The following EPRS1 variants were observed in gnomAD, a reference collection of about 807,000 sequenced individuals.
EPRS1 encodes glutamyl-prolyl-tRNA synthetase 1.
A neutral mutation model predicts 188.3 loss-of-function variants in EPRS1; 107 were observed. That is an observed-to-expected ratio of 0.57 (90% CI 0.49 to 0.67). The LOEUF (loss-of-function observed/expected upper bound fraction) is 0.67, where lower values mean the gene tolerates loss of function less well. EPRS1 is among the 30% of genes least tolerant of loss of function. The pLI, the probability that EPRS1 is intolerant of heterozygous loss-of-function variation, is 0.00. For missense variants in EPRS1, 1,577 were observed against 1,802.2 expected (o/e 0.88, Z 2.26); for synonymous variants, 596 against 593.1 (o/e 1.00, Z -0.07).
intron 4 of EPRS1, among the ~76,000 whole-genome samples, chr1:220,033,113 C>A (rs1043294455): frequency 5.3e-5 from 8 of 152,040 alleles, no homozygotes; most frequent in Non-Finnish European, 8.8e-5. Context: ...ACTCCCTAAC[C>A]TCCCAGTCAC....
intron 9 of EPRS1, 128 bp downstream of exon 9, chr1:220,022,219 C>T (rs1661891112): frequency 1.3e-6 from 1 of 757,658 alleles, no homozygotes; most frequent in Admixed American, 2.7e-5. Flanking sequence ...CAGAAGGCCA[C>T]CAGCCAGTGA....
At chr1:220,019,508 T>C (rs1018248302) in intron 10 of EPRS1, among the ~76,000 whole-genome samples, 7 of 152,202 alleles carry the variant, frequency 4.6e-5, no homozygotes, top group Non-Finnish European at 7.3e-5. Flanking sequence ...AAAATATATG[T>C]AGGAAATTAA....
intron 13 of EPRS1, among the ~76,000 whole-genome samples, chr1:220,009,967 A>C (rs373119386): frequency 6.6e-6 from 1 of 151,800 alleles, no homozygotes; most frequent in South Asian, 2.1e-4. Flanking sequence ...GTAGTGGCGC[A>C]CATCTGTAAT....
At chr1:219,990,512 G>A (rs1486584047) in intron 18 of EPRS1, among the ~76,000 whole-genome samples, 3 of 152,124 alleles carry the variant, frequency 2.0e-5, no homozygotes, top group Non-Finnish European at 4.4e-5. Context: ...CCTTAGAGAA[G>A]TTGTCAAGTT....
chr1:220,004,647 C>A (rs1416627100), intron 16 of EPRS1, among the ~76,000 whole-genome samples: 1 of 152,020 alleles, frequency 6.6e-6, no homozygotes, highest in Non-Finnish European at 1.5e-5. Context: ...GTTTGAAATG[C>A]TTGAAAGAAT....
At chr1:219,994,535 AAAAAAG>A (rs1431280164) in intron 18 of EPRS1, among the ~76,000 whole-genome samples, 3 of 152,118 alleles carry the variant, frequency 2.0e-5, no homozygotes, top group African/African-American at 7.2e-5. Context: ...ACAAAATATT[AAAAAAG>A]AAAAAGAAAA....
intron 1 of EPRS1, among the ~76,000 whole-genome samples, chr1:220,040,872 G>A (rs1662278841): frequency 6.7e-6 from 1 of 148,458 alleles, no homozygotes; most frequent in South Asian, 2.1e-4. Flanking sequence ...AAATAGTATA[G>A]TGCCTTATAT....
At chr1:219,978,960 A>T (rs1184321812) in intron 27 of EPRS1, among the ~76,000 whole-genome samples, 7 of 61,436 alleles carry the variant, frequency 1.1e-4, no homozygotes, top group African/African-American at 3.2e-4. Context: ...ATATATATAT[A>T]TATATTTTTT....
At chr1:220,018,366 C>A in intron 12 of EPRS1, 83 bp downstream of exon 12, 2 of 1,153,764 alleles carry the variant, frequency 1.7e-6, no homozygotes, top group Non-Finnish European at 2.6e-6. Flanking sequence ...CTTTTCTCTA[C>A]CATGAGCACA....
At chr1:219,987,862 T>C (rs1661035522) in intron 19 of EPRS1, among the ~76,000 whole-genome samples, 1 of 152,180 alleles carries the variant, frequency 6.6e-6, no homozygotes, top group Admixed American at 6.5e-5. Context: ...GTCACCACAA[T>C]CACATTTCAA....
intron 18 of EPRS1, among the ~76,000 whole-genome samples, chr1:219,993,059 AC>A (rs1398019208): frequency 3.3e-5 from 5 of 151,834 alleles, no homozygotes; most frequent in Non-Finnish European, 7.4e-5. Context: ...ACACAGTGAA[AC>A]CCCGTCTCTA....
intron 29 of EPRS1, 111 bp from the exon 30 acceptor site, chr1:219,972,258 C>T: frequency 1.6e-6 from 1 of 610,700 alleles, no homozygotes; most frequent in African/African-American, 1.9e-5. Context: ...GTGAGAAGGA[C>T]TCAATTTGAA....
chr1:220,019,206 T>A, intron 10 of EPRS1, 127 bp from the exon 11 acceptor site: 1 of 671,088 alleles, frequency 1.5e-6, no homozygotes, highest in Non-Finnish European at 2.6e-6. Flanking sequence ...CTAGTTATAC[T>A]AATTAGGTAG....
chr1:220,015,363 T>C (rs1661681658), intron 12 of EPRS1, among the ~76,000 whole-genome samples: 1 of 152,082 alleles, frequency 6.6e-6, no homozygotes, highest in Admixed American at 6.5e-5. Context: ...CTCAGGAGGC[T>C]GAGGCAATAG....
chr1:220,010,294 G>A (rs1251526265), intron 13 of EPRS1, among the ~76,000 whole-genome samples: 1 of 151,980 alleles, frequency 6.6e-6, no homozygotes, highest in Non-Finnish European at 1.5e-5. Flanking sequence ...TCCATATAAA[G>A]ATAGGAGCTT....
Position 219,974,776 on chromosome 1 carries a change from G to A in EPRS1, c.4084-1378C>T, listed in dbSNP as rs559997369. ...ATGTATTATACTGGATGTATTACAT[G>A]CATTTGTAAGATACAGTGCTAAGTG... On this transcript the variant is annotated intron_variant, in intron 28 of 31. Transcript: ENST00000366923. 1.4e-4 allele frequency among the ~76,000 whole-genome samples: 21 copies of A among 152,196 alleles called. No individual in the cohort carries two copies. The South Asian group carries it at 4.4e-3, about 32-fold the overall frequency.
At chr1:219,971,740 GTA>G (rs1209820561) in intron 30 of EPRS1, among the ~76,000 whole-genome samples, 2 of 123,632 alleles carry the variant, frequency 1.6e-5, no homozygotes, top group Non-Finnish European at 3.5e-5. Flanking sequence ...CCCCAAAATG[GTA>G]TAATGTTGTA....
At chr1:219,984,532 C>T (rs1446448956) in intron 20 of EPRS1, among the ~76,000 whole-genome samples, 4 of 152,196 alleles carry the variant, frequency 2.6e-5, no homozygotes, top group Non-Finnish European at 5.9e-5. Context: ...GATTCTCTCA[C>T]CTCAGCCTCC....
chr1:219,983,636 C>A (rs760537238), intron 21 of EPRS1, among the ~76,000 whole-genome samples: 2 of 152,126 alleles, frequency 1.3e-5, no homozygotes, highest in African/African-American at 4.8e-5. Flanking sequence ...CTTAGGCCTG[C>A]AATCCCAGGA....
Sources: gnomAD v4.1 joint callset for allele counts (sites outside exome capture counted in the v4.1 genomes callset) on GRCh38, gnomAD v4.1.1 for gene constraint, MANE v1.5 for transcripts, NCBI Gene and HGNC (gene_info 2026-07-23, HGNC 2026-07-21) for gene names.